Variants in SHB observed in about 807,000 individuals in gnomAD.
The protein encoded by SHB is SH2 domain containing adaptor protein B, also known as SH2 domain-containing adapter protein B.
A neutral mutation model predicts 52.3 loss-of-function variants in SHB; 20 were observed. The ratio of observed to expected loss-of-function variants is 0.38; its 90% CI spans 0.27 to 0.56. The LOEUF is 0.56. Among genes scored for constraint, SHB ranks in the 20% least tolerant of loss-of-function variants. SHB has a pLI of 0.71. For missense variants in SHB, 825 were observed against 723.3 expected, an observed-to-expected ratio of 1.14 and a Z score of -1.61; for synonymous variants, 397 against 316.5, an observed-to-expected ratio of 1.25 and a Z score of -2.70.
intron 1 of SHB, among the ~76,000 whole-genome samples, chr9:38,019,485 A>G (rs1003571146): frequency 2.6e-5 from 4 of 152,264 alleles, no homozygotes; most frequent in Non-Finnish European, 5.9e-5. Context: ...GATAGGAAGT[A>G]GTCTGCAGCT....
At chr9:37,968,970 G>A (rs1391064115) in intron 3 of SHB, among the ~76,000 whole-genome samples, 1 of 152,172 alleles carries the variant, frequency 6.6e-6, no homozygotes, top group Non-Finnish European at 1.5e-5. Flanking sequence ...CCATGGGATG[G>A]CGCTGGTCCC....
intron 5 of SHB, among the ~76,000 whole-genome samples, chr9:37,935,616 T>G (rs889813559): frequency 1.3e-5 from 2 of 152,102 alleles, no homozygotes; most frequent in Admixed American, 1.3e-4. Context: ...GGACCACGAT[T>G]GCATTTATGC....
chr9:37,992,952 G>A (rs1820901082), intron 2 of SHB, among the ~76,000 whole-genome samples: 1 of 152,080 alleles, frequency 6.6e-6, no homozygotes, highest in Admixed American at 6.5e-5. Context: ...CTGAGAACAT[G>A]CCCCCAACAG....
Position 38,068,028 on chromosome 9 carries a change from G to T in SHB, c.618C>A (p.Gly206=). ...AGGCCGTCGGGCTCCAGGTGCGGCCGCCCGCGCAGGCGCCCCCCAGGGGGT... is the reference window on the plus strand; with the variant it reads ...AGGCCGTCGGGCTCCAGGTGCGGCCTCCCGCGCAGGCGCCCCCCAGGGGGT... The part of the protein sequence containing the change: ...AGDPLGGACA[G]GRTWSPTACG... Residue 206 remains glycine, a synonymous_variant, in exon 1 of 6, where the codon GGC becomes GGA. Transcript: ENST00000377707. The T allele has an allele frequency of 6.6e-7, 1 of 1,507,426 alleles. No homozygotes were observed. Among genetic ancestry groups the T allele is most frequent in the Non-Finnish European group, 8.8e-7 (1 of 1,136,078 alleles). 93.4% of individuals were successfully genotyped at this position (1,507,426 alleles called of 1,614,324 possible). A position where few individuals can be genotyped will look rare whatever the true frequency, so the allele number is the denominator to read the frequency against.
At chr9:37,920,415 A>G (rs964827970) in intron 5 of SHB, among the ~76,000 whole-genome samples, 19 of 152,322 alleles carry the variant, frequency 1.2e-4, no homozygotes, top group South Asian at 4.1e-4. Flanking sequence ...CATGTCCCCA[A>G]TGCCATGACA....
intron 5 of SHB, among the ~76,000 whole-genome samples, chr9:37,932,227 C>T (rs936650717): frequency 1.4e-5 from 2 of 138,748 alleles, no homozygotes; most frequent in African/African-American, 2.7e-5. Flanking sequence ...GAGCCAAGAT[C>T]GCGCCACTGC....
In SHB at chr9:37,930,339, A is replaced by G. The variant is rs532193019; in HGVS notation, c.1347-10335T>C. ...AATACAGCCCCTGCCCCATGCCTCTATTGCGGAGGATTCTCTGGCAAGACC... is the reference window on the plus strand; with the variant it reads ...AATACAGCCCCTGCCCCATGCCTCTGTTGCGGAGGATTCTCTGGCAAGACC... On this transcript the variant is annotated intron_variant, in intron 5 of 5. Transcript: ENST00000377707. Among the ~76,000 whole-genome samples, 604 of 150,824 alleles carry G rather than the reference A, an allele frequency of 4.0e-3. 2 individuals are homozygous for G. The highest frequency in any genetic ancestry group is 0.014 in the African/African-American group (590 of 41,274).
chr9:37,963,665 G>A (rs1304206972), intron 3 of SHB, among the ~76,000 whole-genome samples: 2 of 152,138 alleles, frequency 1.3e-5, no homozygotes, highest in East Asian at 1.9e-4. Context: ...GAGGTGGAGA[G>A]CCCAGAAGGC....
chr9:37,981,098 T>C (rs1284938392), intron 2 of SHB, among the ~76,000 whole-genome samples: 2 of 152,216 alleles, frequency 1.3e-5, no homozygotes, highest in East Asian at 3.8e-4. Flanking sequence ...CATTAGTCCC[T>C]AACAAGAGAG....
intron 2 of SHB, among the ~76,000 whole-genome samples, chr9:37,992,384 A>G (rs879424271): frequency 6.6e-6 from 1 of 152,190 alleles, no homozygotes; most frequent in Non-Finnish European, 1.5e-5. Context: ...CTGGGCAACA[A>G]GAGCGAAATT....
chr9:38,065,416 A>C (rs1821948989), intron 1 of SHB, among the ~76,000 whole-genome samples: 1 of 152,130 alleles, frequency 6.6e-6, no homozygotes, highest in African/African-American at 2.4e-5. Flanking sequence ...TGGTTTTCAA[A>C]CCATGGTCCC....
chr9:38,061,311 CAAAAA>C (rs776311036), intron 1 of SHB, among the ~76,000 whole-genome samples: 1 of 84,048 alleles, frequency 1.2e-5, no homozygotes, highest in Admixed American at 1.4e-4. Flanking sequence ...GATCCTGTCT[CAAAAA>C]AAAAAAAAAA....
At chr9:37,983,315 A>G (rs984906391) in intron 2 of SHB, among the ~76,000 whole-genome samples, 5 of 152,194 alleles carry the variant, frequency 3.3e-5, no homozygotes, top group Non-Finnish European at 5.9e-5. Flanking sequence ...AGGCCCAGGG[A>G]GTCAAAAGCT....
rs888729048 is a variant in SHB, at chr9:37,916,954, G to A, written c.*2867C>T. Among the ~76,000 whole-genome samples, 4 of 152,080 alleles carry A rather than the reference G, an allele frequency of 2.6e-5. No homozygotes were observed. The highest frequency in any genetic ancestry group is 7.2e-5 in the African/African-American group (3 of 41,402). ...GGAGGTTCTCAGACAAAATGCCGAG[G>A]GCGCGACGTTGTGTGGCAGGAGCTT... On this transcript the variant is annotated 3_prime_UTR_variant, in exon 6 of 6. Transcript: ENST00000377707.
chr9:37,981,387 C>A (rs1052078552), intron 2 of SHB, among the ~76,000 whole-genome samples: 2 of 152,232 alleles, frequency 1.3e-5, no homozygotes, highest in Non-Finnish European at 1.5e-5. Flanking sequence ...TCTGAAGCTT[C>A]CTCCACTCTC....
intron 5 of SHB, among the ~76,000 whole-genome samples, chr9:37,941,138 T>C (rs1228078489): frequency 6.6e-6 from 1 of 152,138 alleles, no homozygotes; most frequent in Admixed American, 6.5e-5. Context: ...GAACCCATCA[T>C]CGTAAAGGAC....
chr9:37,981,935 T>A (rs1057407883), intron 2 of SHB, among the ~76,000 whole-genome samples: 3 of 152,086 alleles, frequency 2.0e-5, no homozygotes, highest in African/African-American at 7.2e-5. Context: ...ACATCAAAGA[T>A]CACTGATCAC....
intron 5 of SHB, among the ~76,000 whole-genome samples, chr9:37,946,207 TC>T (rs1452878321): frequency 2.0e-5 from 3 of 152,184 alleles, no homozygotes; most frequent in Non-Finnish European, 4.4e-5. Context: ...TCCTCTACCT[TC>T]CCCACCAAAC....
intron 5 of SHB, among the ~76,000 whole-genome samples, chr9:37,921,176 G>A (rs1419228929): frequency 6.6e-6 from 1 of 152,084 alleles, no homozygotes; most frequent in Non-Finnish European, 1.5e-5. Context: ...CCACTTTATC[G>A]GGTGTCTGTC....
Sources: gnomAD v4.1 joint callset for allele counts (sites outside exome capture counted in the v4.1 genomes callset) on GRCh38, gnomAD v4.1.1 for gene constraint, MANE v1.5 for transcripts, NCBI Gene and HGNC (gene_info 2026-07-23, HGNC 2026-07-21) for gene names.